Variants in TNRC6B observed in about 807,000 individuals in gnomAD.
TNRC6B encodes trinucleotide repeat-containing gene 6B protein.
A neutral mutation model predicts 203.6 loss-of-function variants in TNRC6B; 52 were observed. The ratio of observed to expected loss-of-function variants is 0.26; its 90% CI spans 0.20 to 0.32. The LOEUF (loss-of-function observed/expected upper bound fraction) is 0.32. Among genes scored for constraint, TNRC6B ranks in the 10% least tolerant of loss-of-function variants. The pLI is 1.00. For missense variants in TNRC6B, 1,923 were observed against 2,286.2 expected (o/e 0.84, Z 3.24); for synonymous variants, 838 against 845.7 (o/e 0.99, Z 0.16).
chr22:40,173,754 T>G (rs914565195), upstream of TNRC6B, among the ~76,000 whole-genome samples: 1 of 139,736 alleles, frequency 7.2e-6, no homozygotes, highest in Non-Finnish European at 1.5e-5. Context: ...GTTTATTAAC[T>G]CTTTTTCTAG....
chr22:40,225,934 G>A (rs2069779568), intron 1 of TNRC6B, among the ~76,000 whole-genome samples: 1 of 152,140 alleles, frequency 6.6e-6, no homozygotes, highest in Non-Finnish European at 1.5e-5. Flanking sequence ...TGGGCATCCT[G>A]TAACTGATCC....
chr22:40,326,049 G>A lies in TNRC6B; in HGVS notation c.*2808G>A, dbSNP rs1260558187. 1 of 152,120 alleles carries A rather than the reference G, an allele frequency of 6.6e-6. No homozygotes were observed. Among genetic ancestry groups the A allele is most frequent in the African/African-American group, 2.4e-5 (1 of 41,324 alleles). The allele number at this position is 152,120 out of a possible 1,614,324, so 9.4% of individuals were successfully genotyped here. On this transcript the variant is annotated 3_prime_UTR_variant, in exon 23 of 23. Coordinates refer to ENST00000454349, the MANE Select transcript of TNRC6B (RefSeq NM_001162501.2). Reference sequence around the variant, plus strand: ...CTTTAAAAAAAAAAGACCAAAAAGTGCGTATATATATACATATAAATATAT... The same window carrying A: ...CTTTAAAAAAAAAAGACCAAAAAGTACGTATATATATACATATAAATATAT...
chr22:40,173,177 A>G (rs942786910), upstream of TNRC6B, among the ~76,000 whole-genome samples: 2 of 151,634 alleles, frequency 1.3e-5, no homozygotes, highest in Non-Finnish European at 2.9e-5. Context: ...GCTCACTGCA[A>G]CCTCCACCTC....
intron 3 of TNRC6B, among the ~76,000 whole-genome samples, chr22:40,131,166 C>T (rs112373343): frequency 6.6e-6 from 1 of 151,940 alleles, no homozygotes. Flanking sequence ...GTGATCCGCC[C>T]GCCTCAGCCT....
chr22:40,246,874 G>A (rs147618322), intron 2 of TNRC6B, among the ~76,000 whole-genome samples: 4 of 152,140 alleles, frequency 2.6e-5, no homozygotes, highest in East Asian at 3.9e-4. Flanking sequence ...GTGAGCCCAC[G>A]TAGTGCTTTG....
Position 40,327,642 on chromosome 22 carries a change from A to G in TNRC6B, c.*4401A>G, listed in dbSNP as rs1208611551. ...AAGAACAGGATATGGTGAGGATGTC[A>G]TGGAAGAGAAGAGCTCTTTCCGTGG... On this transcript the variant is annotated 3_prime_UTR_variant, in exon 23 of 23. Coordinates refer to ENST00000454349, the MANE Select transcript of TNRC6B (RefSeq NM_001162501.2). 1 of 152,120 alleles carries G rather than the reference A, an allele frequency of 6.6e-6. No individual in the cohort carries two copies. The highest frequency in any genetic ancestry group is 2.4e-5 in the African/African-American group (1 of 41,392). 9.4% of individuals were successfully genotyped at this position (152,120 alleles called of 1,614,324 possible).
intron 3 of TNRC6B, among the ~76,000 whole-genome samples, chr22:40,257,599 C>T (rs2070300142): frequency 1.3e-5 from 2 of 151,938 alleles, no homozygotes; most frequent in South Asian, 4.1e-4. Context: ...ACCTGTAATC[C>T]CAGCTACTTG....
intron 1 of TNRC6B, among the ~76,000 whole-genome samples, chr22:40,078,601 AT>A (rs563845337): frequency 1.0e-3 from 148 of 146,090 alleles, no homozygotes; most frequent in Middle Eastern, 3.5e-3. Flanking sequence ...TTATTTATTT[AT>A]TTTTTTTTGA....
chr22:40,129,769 T>C (rs1325990102), intron 3 of TNRC6B, among the ~76,000 whole-genome samples: 3 of 152,186 alleles, frequency 2.0e-5, no homozygotes, highest in African/African-American at 7.2e-5. Flanking sequence ...TTTTATGTGG[T>C]GAAACTGACA....
chr22:40,247,116 A>C (rs1212048770), intron 2 of TNRC6B, among the ~76,000 whole-genome samples: 1 of 151,882 alleles, frequency 6.6e-6, no homozygotes, highest in African/African-American at 2.4e-5. Flanking sequence ...CCACCTTACC[A>C]TTCTTTTTGC....
At chr22:40,133,338 A>G (rs142514742) in intron 3 of TNRC6B, among the ~76,000 whole-genome samples, 123 of 152,130 alleles carry the variant, frequency 8.1e-4, no homozygotes, top group African/African-American at 2.9e-3. Flanking sequence ...ATAGTCATTC[A>G]GTTTTTTTAA....
intron 1 of TNRC6B, among the ~76,000 whole-genome samples, chr22:40,046,167 C>G (rs1263415808): frequency 6.6e-6 from 1 of 152,250 alleles, no homozygotes; most frequent in Non-Finnish European, 1.5e-5. Flanking sequence ...TTACTTCTCT[C>G]TTCGCTGTGG....
intron 1 of TNRC6B, among the ~76,000 whole-genome samples, chr22:40,085,605 A>G (rs538819730): frequency 3.8e-4 from 58 of 152,296 alleles, no homozygotes; most frequent in African/African-American, 1.3e-3. Flanking sequence ...GTAAACTTGT[A>G]GTTATATCCA....
intron 3 of TNRC6B, among the ~76,000 whole-genome samples, chr22:40,136,967 CAT>C (rs1231928648): frequency 2.6e-5 from 4 of 152,116 alleles, no homozygotes; most frequent in Admixed American, 6.5e-5. Flanking sequence ...GTAACTTAGA[CAT>C]AAAATACACA....
chr22:40,321,275 T>C, intron 22 of TNRC6B, 46 bp downstream of exon 22: 1 of 1,600,026 alleles, frequency 6.2e-7, no homozygotes. Context: ...TGCATGAAGA[T>C]GCACCCGTGA....
Position 40,328,699 on chromosome 22 carries a change from G to T in TNRC6B, c.*5458G>T, listed in dbSNP as rs1307301576. 6.6e-6 allele frequency: 1 copy of T among 152,144 alleles called. No homozygotes were observed. Among genetic ancestry groups the T allele is most frequent in the Admixed American group, 6.5e-5 (1 of 15,276 alleles). 9.4% of individuals were successfully genotyped at this position (152,144 alleles called of 1,614,324 possible). On this transcript the variant is annotated 3_prime_UTR_variant, in exon 23 of 23. Coordinates refer to ENST00000454349, the MANE Select transcript of TNRC6B (RefSeq NM_001162501.2). Reference sequence around the variant, plus strand: ...ATGCTGAGCAAAATGCTTACGCCAAGCCTGTTTTTCTCTGCAGAGTAAACA... The same window carrying T: ...ATGCTGAGCAAAATGCTTACGCCAATCCTGTTTTTCTCTGCAGAGTAAACA...
chr22:40,228,402 C>G (rs943514016), intron 1 of TNRC6B, among the ~76,000 whole-genome samples: 7 of 151,352 alleles, frequency 4.6e-5, no homozygotes, highest in African/African-American at 1.7e-4. Flanking sequence ...CGCACTCCAG[C>G]CTGGGCAACA....
chr22:40,302,247 A>G (rs1159055276), intron 15 of TNRC6B, among the ~76,000 whole-genome samples: 5 of 152,190 alleles, frequency 3.3e-5, no homozygotes, highest in Non-Finnish European at 7.3e-5. Context: ...AAATTTTAAA[A>G]TGGAAAAGAT....
rs187764254 is a variant in TNRC6B, at chr22:40,303,049, T to C, written c.4120+1716T>C. On this transcript the variant is annotated intron_variant, in intron 15 of 22. Coordinates refer to ENST00000454349, the MANE Select transcript of TNRC6B (RefSeq NM_001162501.2). The stretch of plus-strand genomic sequence containing the variant: ...TCTTCTTCTTCTTCTTCTTCTTCTT[T>C]TTTTTTTTTTTTTTTTTTGAGGCGG... Among the ~76,000 whole-genome samples the C allele has an allele frequency of 4.2e-4, 53 of 125,488 alleles. 1 individual carries two copies. Among genetic ancestry groups the C allele is most frequent in the East Asian group, 2.7e-3 (12 of 4,440 alleles). The allele number at this position is 125,488 out of a possible 152,430, so 82.3% of individuals were successfully genotyped here.
Sources: gnomAD v4.1 joint callset for allele counts (sites outside exome capture counted in the v4.1 genomes callset) on GRCh38, gnomAD v4.1.1 for gene constraint, MANE v1.5 for transcripts, NCBI Gene and HGNC (gene_info 2026-07-23, HGNC 2026-07-21) for gene names.